The following SASH1 variants were observed in gnomAD, a reference collection of about 807,000 sequenced individuals.
SASH1 encodes SAM and SH3 domain containing 1, also known as SAM and SH3 domain-containing protein 1.
SASH1 carries 44 observed loss-of-function variants against 125.2 expected under a neutral mutation model. That is an observed-to-expected ratio of 0.35 (90% CI 0.28 to 0.45). The LOEUF (loss-of-function observed/expected upper bound fraction) is 0.45, where lower values mean the gene tolerates loss of function less well. Among genes scored for constraint, SASH1 ranks in the 20% least tolerant of loss-of-function variants. SASH1 has a pLI of 1.00. For missense variants in SASH1, 1,426 were observed against 1,614.5 expected (o/e 0.88, Z 2.00); for synonymous variants, 639 against 649.1 (o/e 0.98, Z 0.24).
chr6:148,201,307 T>G, the SASH1 span, among the ~76,000 whole-genome samples: 2 of 152,134 alleles, frequency 1.3e-5, no homozygotes, highest in Non-Finnish European at 2.9e-5. Context: ...ATGGGTTAAG[T>G]TTTAGTTTTA....
At chr6:148,492,314 A>G (rs566251550) in intron 8 of SASH1, among the ~76,000 whole-genome samples, 1 of 152,354 alleles carries the variant, frequency 6.6e-6, no homozygotes, top group South Asian at 2.1e-4. Context: ...GGTCAGAACC[A>G]TTAGCTAGAT....
In SASH1 at chr6:148,360,117, C is replaced by G. The variant is rs183122462; in HGVS notation, c.156+16894C>G. On this transcript the variant is annotated intron_variant, in intron 1 of 19. Transcript: ENST00000367467. The stretch of plus-strand genomic sequence containing the variant: ...CCAGAAATTTGGTTGTCACCTGCTT[C>G]TTTGGAGGACTTCCTTTACTGATTC... 4.2e-3 allele frequency among the ~76,000 whole-genome samples: 641 copies of G among 152,128 alleles called. 3 individuals are homozygous for G. Among genetic ancestry groups the G allele is most frequent in the South Asian group, 8.1e-3 (39 of 4,816 alleles).
At chr6:148,503,283 C>T (rs1298671467) in intron 8 of SASH1, among the ~76,000 whole-genome samples, 1 of 151,512 alleles carries the variant, frequency 6.6e-6, no homozygotes, top group East Asian at 1.9e-4. Flanking sequence ...CACCCTTTTA[C>T]CCGTCAATTC....
intron 16 of SASH1, among the ~76,000 whole-genome samples, chr6:148,536,057 AGGGATAGATTT>A (rs144387663): frequency 0.32 from 48,123 of 151,880 alleles, 7,783 homozygotes; most frequent in South Asian, 0.43. Context: ...GGCTGCCTTT[AGGGATAGATTT>A]GGGATAGATT....
chr6:148,276,984 C>T (rs1215260742), intron 1 of SASH1, among the ~76,000 whole-genome samples: 7 of 152,226 alleles, frequency 4.6e-5, no homozygotes, highest in South Asian at 2.1e-4. Context: ...TACTATGTGC[C>T]AGGCACTGTT....
intron 17 of SASH1, among the ~76,000 whole-genome samples, chr6:148,542,851 A>AGTGTGTGT (rs56094441): frequency 3.3e-5 from 5 of 149,374 alleles, no homozygotes; most frequent in African/African-American, 1.2e-4. Flanking sequence ...AACAAGGGAC[A>AGTGTGTGT]GTGTGTGTGT....
rs560359849 is a variant in SASH1 at position 148,324,434 on chromosome 6, G to A, written n.74+52057G>A. On this transcript the variant is annotated intron_variant and non_coding_transcript_variant, in intron 1 of 3. Transcript: ENST00000367469. ...GCCTCAGTGAGTAGCACTGTCCCCTGCCTGGTTGCACAAGCCAGAAACCTG... is the reference window on the plus strand; with the variant it reads ...GCCTCAGTGAGTAGCACTGTCCCCTACCTGGTTGCACAAGCCAGAAACCTG... 3.3e-5 allele frequency among the ~76,000 whole-genome samples: 5 copies of A among 152,164 alleles called. No individual in the cohort carries two copies. In the East Asian group the frequency reaches 9.7e-4, roughly 29 times the overall value.
chr6:148,523,556 T>C (rs1780941277), intron 10 of SASH1, among the ~76,000 whole-genome samples: 1 of 152,122 alleles, frequency 6.6e-6, no homozygotes, highest in African/African-American at 2.4e-5. Context: ...AAGTCGGTAG[T>C]AGCAGCAGCA....
intron 2 of SASH1, among the ~76,000 whole-genome samples, chr6:148,435,237 G>A (rs777243638): frequency 1.3e-5 from 2 of 151,940 alleles, no homozygotes; most frequent in Non-Finnish European, 2.9e-5. Context: ...AATTATCTGG[G>A]CGTGGTGGTG....
chr6:148,249,364 T>TGC, the SASH1 span, among the ~76,000 whole-genome samples: 2 of 141,876 alleles, frequency 1.4e-5, no homozygotes, highest in Non-Finnish European at 1.5e-5. Flanking sequence ...CACACACACA[T>TGC]GCGCACGTGG....
At chr6:148,345,664 A>C (rs1781497307) in intron 1 of SASH1, among the ~76,000 whole-genome samples, 1 of 152,218 alleles carries the variant, frequency 6.6e-6, no homozygotes, top group South Asian at 2.1e-4. Flanking sequence ...AAGACACAAA[A>C]TTAACAGTTG....
intron 2 of SASH1, among the ~76,000 whole-genome samples, chr6:148,402,405 G>C (rs1360519213): frequency 6.6e-6 from 1 of 152,056 alleles, no homozygotes; most frequent in African/African-American, 2.4e-5. Context: ...CTGCCTCCCG[G>C]GTTAAGTGAT....
chr6:148,480,052 T>C (rs1554262754), intron 7 of SASH1: 1 of 152,398 alleles, frequency 6.6e-6, no homozygotes, highest in Middle Eastern at 3.4e-3. Context: ...CTTTAACTTA[T>C]GACCTGCTCA....
intron 10 of SASH1, among the ~76,000 whole-genome samples, chr6:148,523,320 T>C (rs1042899045): frequency 6.6e-6 from 1 of 152,142 alleles, no homozygotes; most frequent in Admixed American, 6.5e-5. Flanking sequence ...AAGGAGGAAA[T>C]GTACATGGCA....
the SASH1 span, among the ~76,000 whole-genome samples, chr6:148,236,842 G>A: frequency 1.3e-5 from 2 of 152,202 alleles, no homozygotes; most frequent in Non-Finnish European, 2.9e-5. Context: ...CACAGTGTTA[G>A]GAGGTGGGGC....
At chr6:148,217,611 G>T in the SASH1 span, among the ~76,000 whole-genome samples, 1 of 152,084 alleles carries the variant, frequency 6.6e-6, no homozygotes. Context: ...AGTCTGTGGT[G>T]GGCCTGTATC....
In SASH1 at chr6:148,273,030, C is replaced by T. The variant is rs1030222813; in HGVS notation, n.74+653C>T. ...ATCCCAGAACTTTGAGAGGCCGGGG[C>T]GGGAAGGTTCCTTGAGCCCAGGAAT... is the stretch of plus-strand genomic sequence containing the variant. On this transcript the variant is annotated intron_variant and non_coding_transcript_variant, in intron 1 of 3. Coordinates refer to the SASH1 transcript ENST00000367469. 3.3e-5 allele frequency among the ~76,000 whole-genome samples: 5 copies of T among 152,082 alleles called. No homozygotes were observed. The South Asian group carries it at 6.2e-4, about 19-fold the overall frequency.
At chr6:148,212,146 G>C in the SASH1 span, among the ~76,000 whole-genome samples, 10 of 152,298 alleles carry the variant, frequency 6.6e-5, no homozygotes, top group East Asian at 1.9e-3. Context: ...TCGCCAGAAG[G>C]GTTGCCCAGG....
chr6:148,421,135 AAGGAAGG>A (rs1785047931), intron 2 of SASH1, among the ~76,000 whole-genome samples: 3 of 59,262 alleles, frequency 5.1e-5, no homozygotes, highest in African/African-American at 1.9e-4. Flanking sequence ...GAAAGGAAGG[AAGGAAGG>A]AAGGAAGAAA....
Sources: allele counts gnomAD v4.1 joint callset (sites outside exome capture counted in the v4.1 genomes callset), GRCh38; gene constraint gnomAD v4.1.1; transcripts MANE v1.5; gene names NCBI Gene and HGNC (gene_info 2026-07-23, HGNC 2026-07-21).